Variants in PRDM16 observed in about 807,000 individuals in gnomAD.
PRDM16 encodes PR/SET domain 16.
PRDM16 carries 23 observed loss-of-function variants against 110.6 expected under a neutral mutation model. The observed-to-expected ratio is 0.21, with a 90% confidence interval of 0.15 to 0.29. The LOEUF (loss-of-function observed/expected upper bound fraction) is 0.29, where lower values mean the gene tolerates loss of function less well. Among genes scored for constraint, PRDM16 ranks in the 10% least tolerant of loss-of-function variants. The pLI is 1.00. For missense variants in PRDM16, 1,615 were observed against 1,794.3 expected (o/e 0.90, Z 1.81); for synonymous variants, 799 against 781.8 (o/e 1.02, Z -0.37).
In PRDM16 at chr1:3,341,065, CCTGAGCCCTCGTTTCTCCCCCT is replaced by C. The variant is rs1389254909; in HGVS notation, c.439-44046_439-44025del. ...ACGCTCCTTGGCCAAGTTGCTGCCC[CCTGAGCCCTCGTTTCTCCCCCT>C]CTGAGCCCTCGTTTCTCCCCCTCTG... On this transcript the variant is annotated intron_variant, in intron 3 of 16. Coordinates refer to ENST00000270722, the MANE Select transcript of PRDM16 (RefSeq NM_022114.4). Among the ~76,000 whole-genome samples the C allele has an allele frequency of 4.6e-3, 680 of 146,844 alleles. 8 individuals are homozygous for C. The highest frequency in any genetic ancestry group is 0.017 in the African/African-American group (627 of 36,710).
chr1:3,170,122 C>G (rs577802829), intron 1 of PRDM16, among the ~76,000 whole-genome samples: 4 of 152,296 alleles, frequency 2.6e-5, no homozygotes, highest in African/African-American at 9.6e-5. Flanking sequence ...CAGCTGAGCG[C>G]GGACGGGCTG....
At chr1:3,254,506 T>C (rs2100229641) in intron 3 of PRDM16, among the ~76,000 whole-genome samples, 1 of 152,124 alleles carries the variant, frequency 6.6e-6, no homozygotes, top group East Asian at 1.9e-4. Flanking sequence ...AGCATTCTTA[T>C]ATACCAATAA....
At chr1:3,362,164 C>G (rs552761954) in intron 3 of PRDM16, among the ~76,000 whole-genome samples, 41 of 152,252 alleles carry the variant, frequency 2.7e-4, no homozygotes, top group Non-Finnish European at 5.3e-4. Context: ...GGAGTGGCCT[C>G]AACTCCTTCC....
At chr1:3,096,432 G>A (rs1445959138) in intron 1 of PRDM16, among the ~76,000 whole-genome samples, 2 of 152,196 alleles carry the variant, frequency 1.3e-5, no homozygotes, top group Non-Finnish European at 2.9e-5. Flanking sequence ...GAAGGAATGA[G>A]GTCATGGGAG....
At chr1:3,344,212 G>A (rs972761479) in intron 3 of PRDM16, among the ~76,000 whole-genome samples, 7 of 151,998 alleles carry the variant, frequency 4.6e-5, no homozygotes, top group South Asian at 2.1e-4. Flanking sequence ...ATGGTGCACC[G>A]TCATAGTCCT....
At chr1:3,212,102 C>T (rs1569853430) in intron 2 of PRDM16, among the ~76,000 whole-genome samples, 1 of 152,200 alleles carries the variant, frequency 6.6e-6, no homozygotes, top group East Asian at 1.9e-4. Context: ...GCACTCCATT[C>T]ACCGGCTCGT....
rs190107628 is a variant in PRDM16, at chr1:3,088,527, G to A, written c.37+19231G>A. On this transcript the variant is annotated intron_variant, in intron 1 of 16. Coordinates refer to ENST00000270722, the MANE Select transcript of PRDM16 (RefSeq NM_022114.4). ...GTCACTCAGGCTGGAGTGCGGTGGCGCGATCTCAGCTCACTGCAAGCTCCG... is the reference window on the plus strand; with the variant it reads ...GTCACTCAGGCTGGAGTGCGGTGGCACGATCTCAGCTCACTGCAAGCTCCG... Among the ~76,000 whole-genome samples, 193 of 150,982 alleles carry A rather than the reference G, an allele frequency of 1.3e-3. 1 individual carries two copies. The highest frequency in any genetic ancestry group is 4.4e-3 in the African/African-American group (181 of 41,282).
At chr1:3,396,038 G>A (rs1643380420) in intron 4 of PRDM16, among the ~76,000 whole-genome samples, 2 of 152,202 alleles carry the variant, frequency 1.3e-5, no homozygotes, top group Non-Finnish European at 2.9e-5. Flanking sequence ...CTGGCCAGGC[G>A]CAGCTCATGG....
rs1643597353 is a variant in PRDM16, at chr1:3,143,888, G to C, written c.38-42237G>C. On this transcript the variant is annotated intron_variant, in intron 1 of 16. Coordinates refer to ENST00000270722, the MANE Select transcript of PRDM16 (RefSeq NM_022114.4). The surrounding 1 kb of genome is among the most constrained non-coding windows in gnomAD (Gnocchi z 4.5). The stretch of plus-strand genomic sequence containing the variant: ...TCTGTGGATGGAGGAGGAGGGACTG[G>C]CAAGCTTGGGGTTCCTGGGGCATCT... Among the ~76,000 whole-genome samples the C allele has an allele frequency of 6.6e-6, 1 of 152,180 alleles. No individual in the cohort carries two copies. Among genetic ancestry groups the C allele is most frequent in the South Asian group, 2.1e-4 (1 of 4,808 alleles).
In PRDM16 at chr1:3,436,075, G is replaced by T; in HGVS notation, c.*2264G>T. ...CTGGGTCAGACCCACCAGGTACCCC[G>T]TAGGAATTTCCAGTTTCCCTTGATC... On this transcript the variant is annotated 3_prime_UTR_variant, in exon 17 of 17. Coordinates refer to ENST00000270722, the MANE Select transcript of PRDM16 (RefSeq NM_022114.4). 4.3e-6 allele frequency: 1 copy of T among 230,890 alleles called. No homozygotes were observed. The highest frequency in any genetic ancestry group is 8.6e-6 in the Non-Finnish European group (1 of 116,608). The allele number at this position is 230,890 out of a possible 1,614,324, so 14.3% of individuals were successfully genotyped here.
In PRDM16 at chr1:3,195,107, C is replaced by T. The variant is rs111757689; in HGVS notation, c.387+8633C>T. On this transcript the variant is annotated intron_variant, in intron 2 of 16. Transcript: ENST00000270722. ...GGCAGCTCGGCGAGGCACACAGCGT[C>T]GGGATTTGGAGAGAGACGGGGCCCT... Among the ~76,000 whole-genome samples the T allele has an allele frequency of 2.6e-5, 4 of 152,296 alleles. 1 individual carries two copies. Among genetic ancestry groups the T allele is most frequent in the African/African-American group, 9.6e-5 (4 of 41,562 alleles).
At chr1:3,205,009 A>T (rs986223340) in intron 2 of PRDM16, among the ~76,000 whole-genome samples, 1 of 152,068 alleles carries the variant, frequency 6.6e-6, no homozygotes, top group Non-Finnish European at 1.5e-5. Context: ...TAAAGAAGGG[A>T]AGGGGAAACG....
At chr1:3,188,088 A>G (rs957214136) in intron 2 of PRDM16, among the ~76,000 whole-genome samples, 2 of 152,230 alleles carry the variant, frequency 1.3e-5, no homozygotes, top group African/African-American at 2.4e-5. Flanking sequence ...GCCCAGCTTC[A>G]TGGCCCTACA....
At chr1:3,192,870 T>C (rs866336300) in intron 2 of PRDM16, among the ~76,000 whole-genome samples, 2 of 151,872 alleles carry the variant, frequency 1.3e-5, no homozygotes, top group African/African-American at 2.4e-5. Context: ...GAGCCAGCAG[T>C]GCTGGCCTCC....
chr1:3,155,492 T>C (rs943560414), intron 1 of PRDM16, among the ~76,000 whole-genome samples: 1 of 152,150 alleles, frequency 6.6e-6, no homozygotes, highest in Non-Finnish European at 1.5e-5. Flanking sequence ...AAGGGGCCCC[T>C]CCATTGTTCC....
rs1193262386 is a variant in PRDM16 at position 3,370,982 on chromosome 1, C to T, written c.439-14170C>T. Among the ~76,000 whole-genome samples, 1 of 150,668 alleles carries T rather than the reference C, an allele frequency of 6.6e-6. No homozygotes were observed. The highest frequency in any genetic ancestry group is 2.5e-5 in the African/African-American group (1 of 40,804). On this transcript the variant is annotated intron_variant, in intron 3 of 16. Coordinates refer to ENST00000270722, the MANE Select transcript of PRDM16 (RefSeq NM_022114.4). The surrounding 1 kb of genome is among the most constrained non-coding windows in gnomAD (Gnocchi z 4.8). ...CCATCGATTCATCCATTTGTCCATCCACCCACCGATCCACCATCTATTCAT... is the reference window on the plus strand; with the variant it reads ...CCATCGATTCATCCATTTGTCCATCTACCCACCGATCCACCATCTATTCAT...
intron 3 of PRDM16, among the ~76,000 whole-genome samples, chr1:3,289,972 C>T (rs182506697): frequency 5.6e-4 from 85 of 151,502 alleles, no homozygotes; most frequent in African/African-American, 2.0e-3. Flanking sequence ...GCACCGAGAC[C>T]CCACTCCCAC....
At chr1:3,083,023 G>C (rs572351358) in intron 1 of PRDM16, among the ~76,000 whole-genome samples, 131 of 152,302 alleles carry the variant, frequency 8.6e-4, no homozygotes, top group Non-Finnish European at 1.7e-3. Flanking sequence ...CACCCGGAAC[G>C]CTCGCCTGTG....
chr1:3,432,660 C>T (rs879298948), intron 16 of PRDM16, among the ~76,000 whole-genome samples: 10 of 152,232 alleles, frequency 6.6e-5, no homozygotes, highest in Admixed American at 4.6e-4. Flanking sequence ...CATTTCTCTC[C>T]AGTCTGTAGG....
Sources: gnomAD v4.1 joint callset for allele counts (sites outside exome capture counted in the v4.1 genomes callset) on GRCh38, gnomAD v4.1.1 for gene constraint, Gnocchi (gnomAD v3.1) non-coding constraint, MANE v1.5 for transcripts, NCBI Gene and HGNC (gene_info 2026-07-23, HGNC 2026-07-21) for gene names.